Variants in PTPRR observed in about 807,000 individuals in gnomAD.
PTPRR encodes the protein protein tyrosine phosphatase receptor type R.
A neutral mutation model predicts 77.2 loss-of-function variants in PTPRR; 38 were observed. The observed-to-expected ratio is 0.49, with a 90% CI of 0.38 to 0.65. The LOEUF (loss-of-function observed/expected upper bound fraction) is 0.65, where lower values mean the gene tolerates loss of function less well. Among genes scored for constraint, PTPRR ranks in the 30% least tolerant of loss-of-function variants. The pLI, the probability that PTPRR is intolerant of heterozygous loss-of-function variation, is 0.00. For synonymous variants in PTPRR, 299 were observed against 283.1 expected (o/e 1.06, Z -0.57); for missense variants, 744 against 799.2 (o/e 0.93, Z 0.83).
rs371657749 is a variant in PTPRR at position 70,825,480 on chromosome 12, G to C, written c.358-60702C>G. ...CATACCTCTTGATACCACAGAGCCAGAATCAGCCCTCTACCACCCAAAATG... is the reference window on the plus strand; with the variant it reads ...CATACCTCTTGATACCACAGAGCCACAATCAGCCCTCTACCACCCAAAATG... On this transcript the variant is annotated intron_variant, in intron 2 of 13. Transcript: ENST00000283228. 5.3e-4 allele frequency among the ~76,000 whole-genome samples: 80 copies of C among 152,238 alleles called. No individual in the cohort carries two copies. The South Asian group carries it at 0.014, about 26-fold the overall frequency.
intron 6 of PTPRR, among the ~76,000 whole-genome samples, chr12:70,707,239 A>G (rs79510322): frequency 0.024 from 3,656 of 152,270 alleles, 147 homozygotes; most frequent in African/African-American, 0.083. Flanking sequence ...AGCTAAAAAT[A>G]GAGATTTTAC....
intron 2 of PTPRR, among the ~76,000 whole-genome samples, chr12:70,765,526 G>T (rs1398557916): frequency 6.6e-6 from 1 of 152,178 alleles, no homozygotes; most frequent in Admixed American, 6.5e-5. Flanking sequence ...ACTGGGTGGA[G>T]CCCACCACAG....
intron 2 of PTPRR, among the ~76,000 whole-genome samples, chr12:70,837,222 C>A (rs1892320387): frequency 6.6e-6 from 1 of 151,984 alleles, no homozygotes; most frequent in Non-Finnish European, 1.5e-5. Context: ...TTGGCTTTCC[C>A]AGCTGAAAAT....
chr12:70,799,012 A>G (rs1891566212), intron 2 of PTPRR, among the ~76,000 whole-genome samples: 1 of 152,178 alleles, frequency 6.6e-6, no homozygotes, highest in African/African-American at 2.4e-5. Flanking sequence ...GTAAATAACA[A>G]AAAGTAGTCT....
chr12:70,747,491 G>A (rs772682642), intron 5 of PTPRR, among the ~76,000 whole-genome samples: 2 of 152,106 alleles, frequency 1.3e-5, no homozygotes, highest in Non-Finnish European at 2.9e-5. Context: ...CTTGGATTTT[G>A]GAGAAATATG....
chr12:70,672,438 GGCCACAGATGC>G, intron 10 of PTPRR: 1 of 1,091,634 alleles, frequency 9.2e-7, no homozygotes, highest in Non-Finnish European at 1.4e-6. Context: ...AGCACATCAA[GGCCACAGATGC>G]CATGGCCCAT....
chr12:70,868,002 C>G (rs371207593), intron 2 of PTPRR, among the ~76,000 whole-genome samples: 82 of 152,078 alleles, frequency 5.4e-4, no homozygotes, highest in African/African-American at 1.2e-3. Flanking sequence ...AGCTGAAACT[C>G]GATCCCTTCC....
chr12:70,645,806 G>T (rs1051129923), intron 13 of PTPRR, among the ~76,000 whole-genome samples: 2 of 150,510 alleles, frequency 1.3e-5, no homozygotes, highest in Non-Finnish European at 2.9e-5. Flanking sequence ...TCAGCTGGGG[G>T]TAAACTCAGG....
intron 2 of PTPRR, among the ~76,000 whole-genome samples, chr12:70,836,889 T>A (rs1302024959): frequency 2.6e-5 from 4 of 152,088 alleles, no homozygotes; most frequent in Non-Finnish European, 5.9e-5. Context: ...ATGTGTTCAA[T>A]ATATAATTAA....
chr12:70,785,117 C>A (rs1891295102), intron 2 of PTPRR, among the ~76,000 whole-genome samples: 1 of 152,208 alleles, frequency 6.6e-6, no homozygotes, highest in Non-Finnish European at 1.5e-5. Flanking sequence ...CCTGTCCCTT[C>A]ACATTATGGC....
intron 2 of PTPRR, among the ~76,000 whole-genome samples, chr12:70,849,895 C>A (rs1280539743): frequency 6.6e-6 from 1 of 152,084 alleles, no homozygotes; most frequent in Non-Finnish European, 1.5e-5. Context: ...CTAAATTACT[C>A]AGTAGACGGA....
intron 13 of PTPRR, among the ~76,000 whole-genome samples, chr12:70,655,937 T>A (rs1036048970): frequency 6.6e-6 from 1 of 152,250 alleles, no homozygotes; most frequent in African/African-American, 2.4e-5. Context: ...GGGAGCCAGA[T>A]GCAGTGCCTT....
intron 6 of PTPRR, among the ~76,000 whole-genome samples, chr12:70,709,910 C>T (rs1888762568): frequency 2.6e-5 from 4 of 152,230 alleles, no homozygotes; most frequent in Admixed American, 2.0e-4. Context: ...AATGGCCATA[C>T]TACCCAAAAT....
rs150019737 is a variant in PTPRR, at chr12:70,651,881, C to A, written c.1880+4823G>T. On this transcript the variant is annotated intron_variant, in intron 13 of 13. Transcript: ENST00000283228. The stretch of plus-strand genomic sequence containing the variant: ...ACTTTGGACAAGTTACTCGCTATCT[C>A]GAATTCTTTGGTTCCTCATTAAAAA... Among the ~76,000 whole-genome samples, 438 of 148,126 alleles carry A rather than the reference C, an allele frequency of 3.0e-3. 4 individuals carry two copies. Among genetic ancestry groups the A allele is most frequent in the African/African-American group, 0.011 (415 of 39,014 alleles).
chr12:70,640,555 G>A (rs937034871), intron 13 of PTPRR, among the ~76,000 whole-genome samples: 3 of 152,018 alleles, frequency 2.0e-5, no homozygotes, highest in Non-Finnish European at 4.4e-5. Context: ...CATCACTATC[G>A]GTAACTATTT....
intron 1 of PTPRR, among the ~76,000 whole-genome samples, chr12:70,909,431 T>G (rs1893668961): frequency 6.6e-6 from 1 of 152,228 alleles, no homozygotes; most frequent in Non-Finnish European, 1.5e-5. Flanking sequence ...TGCTTCAGAA[T>G]GTACCTATAG....
intron 8 of PTPRR, among the ~76,000 whole-genome samples, chr12:70,685,450 G>A (rs985400796): frequency 5.0e-5 from 6 of 120,960 alleles, no homozygotes; most frequent in Admixed American, 3.5e-4. Flanking sequence ...TTCAAGCCTA[G>A]GCAACATAGT....
At chr12:70,740,236 G>T (rs993793863) in intron 6 of PTPRR, among the ~76,000 whole-genome samples, 1 of 152,110 alleles carries the variant, frequency 6.6e-6, no homozygotes, top group African/African-American at 2.4e-5. Context: ...TAATCATGAA[G>T]TAATGAGAGC....
intron 13 of PTPRR, among the ~76,000 whole-genome samples, chr12:70,651,687 G>T (rs1886400777): frequency 2.0e-5 from 3 of 152,148 alleles, no homozygotes; most frequent in Admixed American, 2.0e-4. Context: ...GTTTAAAATG[G>T]CAGAGTATTA....
Sources: gnomAD v4.1 joint callset for allele counts (sites outside exome capture counted in the v4.1 genomes callset) on GRCh38, gnomAD v4.1.1 for gene constraint, MANE v1.5 for transcripts, NCBI Gene and HGNC (gene_info 2026-07-23, HGNC 2026-07-21) for gene names.